The following BAIAP2L1 variants were observed in gnomAD, a reference collection of about 807,000 sequenced individuals.
The protein encoded by BAIAP2L1 is BAR/IMD domain containing adaptor protein 2 like 1.
Under a neutral mutation model 66.3 loss-of-function variants are expected in BAIAP2L1, and 35 were observed. That is an observed-to-expected ratio of 0.53 (90% CI 0.40 to 0.70). The LOEUF is 0.70. Ranked by LOEUF, BAIAP2L1 falls within the 30% of genes least tolerant of loss-of-function variation. The pLI is 0.00. For missense variants in BAIAP2L1, 622 were observed against 656.9 expected, an observed-to-expected ratio of 0.95 and a Z score of 0.58; for synonymous variants, 269 against 248.7, an observed-to-expected ratio of 1.08 and a Z score of -0.77.
At chr7:98,343,280 C>G (rs560396578) in intron 3 of BAIAP2L1, among the ~76,000 whole-genome samples, 1 of 145,906 alleles carries the variant, frequency 6.9e-6, no homozygotes, top group Non-Finnish European at 1.5e-5. Flanking sequence ...CACACACACA[C>G]ACACACAGAC....
chr7:98,345,130 T>C (rs1035509163), intron 3 of BAIAP2L1, among the ~76,000 whole-genome samples: 1 of 152,102 alleles, frequency 6.6e-6, no homozygotes, highest in Non-Finnish European at 1.5e-5. Context: ...CGAGACCCTG[T>C]CTTTAAAGAC....
At chr7:98,391,867 T>C (rs1367846042) in intron 1 of BAIAP2L1, among the ~76,000 whole-genome samples, 2 of 152,124 alleles carry the variant, frequency 1.3e-5, no homozygotes, top group African/African-American at 4.8e-5. Flanking sequence ...GTAATTACTC[T>C]GCACATATCT....
chr7:98,342,444 T>C (rs1298898201), intron 3 of BAIAP2L1, among the ~76,000 whole-genome samples: 1 of 152,210 alleles, frequency 6.6e-6, no homozygotes, highest in African/African-American at 2.4e-5. Context: ...ATGTAGTTTT[T>C]AAAAATTGCA....
chr7:98,316,058 A>T (rs1801067851), intron 6 of BAIAP2L1, among the ~76,000 whole-genome samples: 1 of 152,078 alleles, frequency 6.6e-6, no homozygotes, highest in South Asian at 2.1e-4. Flanking sequence ...ACCTGGTGGG[A>T]GGTAATTGAA....
intron 12 of BAIAP2L1, among the ~76,000 whole-genome samples, chr7:98,302,048 C>T (rs1167751808): frequency 1.1e-4 from 17 of 152,242 alleles, no homozygotes; most frequent in South Asian, 2.1e-4. Context: ...GGCAGTCTCC[C>T]GACACTGACA....
chr7:98,302,880 G>A (rs1457984436), intron 12 of BAIAP2L1, among the ~76,000 whole-genome samples: 4 of 152,142 alleles, frequency 2.6e-5, no homozygotes, highest in Non-Finnish European at 5.9e-5. Flanking sequence ...GAACTTCTGG[G>A]TTCAGGCTAT....
intron 12 of BAIAP2L1, among the ~76,000 whole-genome samples, chr7:98,298,603 ACT>A (rs1447351369): frequency 3.3e-5 from 5 of 151,712 alleles, no homozygotes; most frequent in Admixed American, 1.3e-4. Flanking sequence ...ACAGAGCAAG[ACT>A]CTGTCTCAAA....
chr7:98,307,920 A>G (rs1461195344), intron 9 of BAIAP2L1, 24 bp from the exon 10 acceptor site: 2 of 1,611,492 alleles, frequency 1.2e-6, no homozygotes, highest in South Asian at 2.2e-5. Context: ...TGTAGCAGTA[A>G]TGGCTTTTCA....
Position 98,337,012 on chromosome 7 carries a change from G to C in BAIAP2L1, c.215-16714C>G, listed in dbSNP as rs150139517. 9.2e-4 allele frequency among the ~76,000 whole-genome samples: 140 copies of C among 152,216 alleles called. 2 individuals carry two copies. Among genetic ancestry groups the C allele is most frequent in the African/African-American group, 3.3e-3 (135 of 41,532 alleles). ...GGGAATAATCTCTCTTACCTGAGAG[G>C]ACTGCTGTGAAAACTAAATGAGACT... On this transcript the variant is annotated intron_variant, in intron 3 of 13. Transcript: ENST00000005260.
intron 3 of BAIAP2L1, among the ~76,000 whole-genome samples, chr7:98,328,551 T>C (rs906093384): frequency 2.6e-5 from 4 of 151,772 alleles, no homozygotes; most frequent in African/African-American, 4.8e-5. Flanking sequence ...TCCAGACACG[T>C]GGAGCAGATG....
intron 6 of BAIAP2L1, among the ~76,000 whole-genome samples, chr7:98,316,932 C>T (rs898947056): frequency 2.6e-5 from 4 of 151,400 alleles, no homozygotes; most frequent in East Asian, 1.9e-4. Flanking sequence ...GGCATAATCT[C>T]GGCTCACTGC....
intron 6 of BAIAP2L1, among the ~76,000 whole-genome samples, 168 bp downstream of exon 6, chr7:98,317,051 C>A (rs189644918): frequency 6.6e-6 from 1 of 152,094 alleles, no homozygotes; most frequent in South Asian, 2.1e-4. Flanking sequence ...CAAGGTTTCA[C>A]CACATTGGCC....
intron 3 of BAIAP2L1, among the ~76,000 whole-genome samples, chr7:98,347,166 C>G (rs1041668487): frequency 3.6e-5 from 1 of 27,602 alleles, no homozygotes; most frequent in Non-Finnish European, 6.5e-5. Context: ...CTCGCCCTAT[C>G]CTAAGCCATG....
At chr7:98,321,792 C>T (rs775444339) in intron 3 of BAIAP2L1, among the ~76,000 whole-genome samples, 2 of 152,088 alleles carry the variant, frequency 1.3e-5, no homozygotes, top group Admixed American at 1.3e-4. Context: ...TACAGCTCAG[C>T]GGCCAGATAA....
intron 9 of BAIAP2L1, chr7:98,308,934 C>T (rs1490591054): frequency 6.6e-6 from 1 of 152,054 alleles, no homozygotes; most frequent in Non-Finnish European, 1.5e-5. Flanking sequence ...CCAGCTTGGC[C>T]TCCCAAAGTG....
chr7:98,383,179 A>G (rs1306670300), intron 1 of BAIAP2L1, among the ~76,000 whole-genome samples: 1 of 140,374 alleles, frequency 7.1e-6, no homozygotes, highest in Non-Finnish European at 1.6e-5. Flanking sequence ...TCAAAAAAGA[A>G]ACAAACAAAC....
At chr7:98,382,773 G>C (rs1221951276) in intron 1 of BAIAP2L1, among the ~76,000 whole-genome samples, 3 of 152,162 alleles carry the variant, frequency 2.0e-5, no homozygotes, top group African/African-American at 7.2e-5. Flanking sequence ...AGGGATTGTG[G>C]AACCCTGCCC....
chr7:98,351,209 G>T (rs1370670967), intron 3 of BAIAP2L1, among the ~76,000 whole-genome samples: 1 of 152,096 alleles, frequency 6.6e-6, no homozygotes, highest in Non-Finnish European at 1.5e-5. Context: ...CCACACACCA[G>T]CCCACGAGGG....
At chr7:98,345,659 A>G (rs1801855687) in intron 3 of BAIAP2L1, among the ~76,000 whole-genome samples, 1 of 152,156 alleles carries the variant, frequency 6.6e-6, no homozygotes, top group African/African-American at 2.4e-5. Context: ...TGGGAGGCAG[A>G]GATTGCAGTG....
Sources: gnomAD v4.1 joint callset for allele counts (sites outside exome capture counted in the v4.1 genomes callset) on GRCh38, gnomAD v4.1.1 for gene constraint, MANE v1.5 for transcripts, NCBI Gene and HGNC (gene_info 2026-07-23, HGNC 2026-07-21) for gene names.